The following GPATCH1 variants were observed in gnomAD, a reference collection of about 807,000 sequenced individuals.
The protein encoded by GPATCH1 is G-patch domain containing 1.
A neutral mutation model predicts 114.9 loss-of-function variants in GPATCH1; 73 were observed. The ratio of observed to expected loss-of-function variants is 0.64; its 90% CI spans 0.53 to 0.77. GPATCH1 has a LOEUF of 0.77. Among genes scored for constraint, GPATCH1 ranks in the 30% least tolerant of loss-of-function variants. GPATCH1 has a pLI of 0.00. For missense variants in GPATCH1, 1,058 were observed against 1,144.3 expected (o/e 0.92, Z 1.09); for synonymous variants, 391 against 428.4 (o/e 0.91, Z 1.08).
chr19:33,122,283 C>T (rs535616578), intron 17 of GPATCH1, among the ~76,000 whole-genome samples: 15 of 149,532 alleles, frequency 1.0e-4, no homozygotes, highest in African/African-American at 3.2e-4. Context: ...GTTGGGATTA[C>T]GGTCGTGAGC....
At chr19:33,101,382 T>G (rs1358585256) in intron 8 of GPATCH1, 113 bp from the exon 9 acceptor site, 1 of 671,292 alleles carries the variant, frequency 1.5e-6, no homozygotes, top group Non-Finnish European at 2.7e-6. Context: ...AGTGATAGCA[T>G]GTATGACACG....
At chr19:33,093,309 G>T in intron 3 of GPATCH1, 50 bp from the exon 4 acceptor site, 2 of 1,230,044 alleles carry the variant, frequency 1.6e-6, no homozygotes. Flanking sequence ...GTGATGTATT[G>T]TGTATAGTCA....
At chr19:33,093,789 A>G (rs909024742) in intron 4 of GPATCH1, among the ~76,000 whole-genome samples, 3 of 152,130 alleles carry the variant, frequency 2.0e-5, no homozygotes, top group African/African-American at 7.2e-5. Context: ...TCCAGACCTT[A>G]TAGCCTCGCC....
intron 17 of GPATCH1, among the ~76,000 whole-genome samples, chr19:33,124,704 A>G (rs933138101): frequency 2.6e-5 from 4 of 152,022 alleles, no homozygotes; most frequent in African/African-American, 9.7e-5. Flanking sequence ...GGCGTGGGAG[A>G]GGTTAGGCGA....
intron 9 of GPATCH1, among the ~76,000 whole-genome samples, 176 bp downstream of exon 9, chr19:33,101,750 C>T (rs1273013035): frequency 2.0e-5 from 3 of 152,126 alleles, no homozygotes; most frequent in Non-Finnish European, 2.9e-5. Flanking sequence ...AATACCAGGG[C>T]GAGGCGCAGT....
At chr19:33,100,040 G>C (rs1972707989) in intron 8 of GPATCH1, 1 of 151,926 alleles carries the variant, frequency 6.6e-6, no homozygotes, top group Non-Finnish European at 1.5e-5. Flanking sequence ...CAGAGTGCTG[G>C]AATTACAGGC....
Position 33,114,317 on chromosome 19 carries a change from AT to A in GPATCH1, c.2099del (p.Leu700Ter). 6.2e-7 allele frequency: 1 copy of A among 1,613,622 alleles called. No individual in the cohort carries two copies. Among genetic ancestry groups the A allele is most frequent in the Non-Finnish European group, 8.5e-7 (1 of 1,179,660 alleles). Reference protein sequence around the residue: ...HEKKEDSISEFLSLARSKAEP... With the variant: ...HEKKEDSISEXLSLARSKAEP... ...AAAAGAAAGAAGATTCCATTAGTGAATTTTTAAGTTTGGCTAGATCAAAAGC... is the reference window on the plus strand; with the variant it reads ...AAAAGAAAGAAGATTCCATTAGTGAATTTTAAGTTTGGCTAGATCAAAAGC... On this transcript the variant is annotated frameshift_variant, in exon 15 of 20. Transcript: ENST00000170564. LOFTEE classifies it high-confidence loss of function.
At chr19:33,122,792 C>T (rs757299193) in intron 17 of GPATCH1, among the ~76,000 whole-genome samples, 8 of 151,906 alleles carry the variant, frequency 5.3e-5, no homozygotes, top group African/African-American at 7.3e-5. Context: ...GGGCTGAGTG[C>T]GGTGGCTCAC....
intron 4 of GPATCH1, 98 bp downstream of exon 4, chr19:33,093,617 C>T (rs1568339603): frequency 9.0e-7 from 1 of 1,112,314 alleles, no homozygotes; most frequent in African/African-American, 1.6e-5. Flanking sequence ...GTGAGACAAG[C>T]CTTCTTAGGC....
intron 1 of GPATCH1, among the ~76,000 whole-genome samples, chr19:33,083,638 A>G (rs934449445): frequency 6.6e-6 from 1 of 152,050 alleles, no homozygotes; most frequent in Non-Finnish European, 1.5e-5. Flanking sequence ...CAAGCAATCC[A>G]TCTGCCTTCA....
Position 33,106,901 on chromosome 19 carries a change from T to G in GPATCH1, c.1285+2T>G. 6.2e-7 allele frequency: 1 copy of G among 1,605,612 alleles called. No individual in the cohort carries two copies. Among genetic ancestry groups the G allele is most frequent in the Non-Finnish European group, 8.5e-7 (1 of 1,172,556 alleles). ...TGCTTGGAGAGACGCCTATTCAAGG[T>G]ATGTGCCATGGAGAAGACGGAAATC... On this transcript the variant is annotated splice_donor_variant, in intron 10 of 19. Transcript: ENST00000170564. LOFTEE classifies it high-confidence loss of function.
chr19:33,119,052 T>C lies in GPATCH1; in HGVS notation c.2456T>C (p.Ile819Thr), dbSNP rs1331899538. 16 of 1,613,498 alleles carry C rather than the reference T, an allele frequency of 9.9e-6. No individual in the cohort carries two copies. Among genetic ancestry groups the C allele is most frequent in the Non-Finnish European group, 1.4e-5 (16 of 1,179,792 alleles). ...APQEPPPSFP[I>T]QKMQIDEREE... ...CAGGAGCCGCCACCTTCCTTCCCGA[T>C]ACAAAAGATGCAGATAGATGAAAGA... The change falls in exon 17 of 20, where the codon ATA (isoleucine) becomes ACA (threonine). Residue 819 changes from isoleucine to threonine, a missense_variant. By Grantham distance (89) the Ile-to-Thr change is moderately conservative (BLOSUM62 -1). This residue lies in a region of GPATCH1 where 893 missense variants were observed against 977.4 expected (regional missense o/e 0.91). Coordinates refer to ENST00000170564, the MANE Select transcript of GPATCH1 (RefSeq NM_018025.3).
intron 9 of GPATCH1, among the ~76,000 whole-genome samples, chr19:33,105,263 C>T (rs1972770411): frequency 6.6e-6 from 1 of 151,580 alleles, no homozygotes; most frequent in African/African-American, 2.4e-5. Context: ...GAAACCCCGT[C>T]TCTACTAAAA....
At chr19:33,125,428 T>C in intron 18 of GPATCH1, among the ~76,000 whole-genome samples, 1 of 150,944 alleles carries the variant, frequency 6.6e-6, no homozygotes, top group African/African-American at 2.4e-5. Context: ...AGATGGAGTC[T>C]CACTCTGTTG....
In GPATCH1 at chr19:33,113,932, T is replaced by C. The variant is rs1211184343; in HGVS notation, c.2029+29T>C. On this transcript the variant is annotated intron_variant, in intron 14 of 19. Coordinates refer to ENST00000170564, the MANE Select transcript of GPATCH1 (RefSeq NM_018025.3). ...AGTAGGGCGTCCCCGGGGTCTCTGA[T>C]TGACCAGGGCCTCAACCCCTAGCCT... 2.5e-6 allele frequency: 4 copies of C among 1,608,564 alleles called. No individual in the cohort carries two copies. In the South Asian group the frequency reaches 3.3e-5, roughly 13 times the overall value.
chr19:33,088,336 C>T, intron 2 of GPATCH1, 68 bp downstream of exon 2: 3 of 1,185,894 alleles, frequency 2.5e-6, no homozygotes, highest in South Asian at 2.8e-5. Flanking sequence ...TTCTCCCTCA[C>T]CCTTGCTTTT....
chr19:33,121,028 A>C (rs1028564146), intron 17 of GPATCH1, among the ~76,000 whole-genome samples: 1 of 151,814 alleles, frequency 6.6e-6, no homozygotes, highest in Non-Finnish European at 1.5e-5. Flanking sequence ...AAAAATTAAA[A>C]AAGAAAAAGA....
At position 33,101,579 on chromosome 19, in the gene GPATCH1, GAA is replaced by G. The variant is rs745518085; in HGVS notation, c.1080+9_1080+10del. On this transcript the variant is annotated splice_donor_region_variant and intron_variant, in intron 9 of 19. Coordinates refer to ENST00000170564, the MANE Select transcript of GPATCH1 (RefSeq NM_018025.3). ...AAACCTTTATCTTCTAAGAAAGTAA[GAA>G]AAACTTTTTTTCTTTCTTTTTTTAC... 2 of 1,502,290 alleles carry G rather than the reference GAA, an allele frequency of 1.3e-6. No homozygotes were observed. The highest frequency in any genetic ancestry group is 1.8e-5 in the Admixed American group (1 of 56,824). 93.1% of individuals were successfully genotyped at this position (1,502,290 alleles called of 1,614,324 possible).
Position 33,096,226 on chromosome 19 carries a change from T to TG in GPATCH1, c.633dup (p.Pro212AlafsTer2), listed in dbSNP as rs767383026. 3 of 1,613,942 alleles carry TG rather than the reference T, an allele frequency of 1.9e-6. No homozygotes were observed. The South Asian group carries it at 3.3e-5, about 18-fold the overall frequency. The stretch of plus-strand genomic sequence containing the variant: ...AAATAGGGTGAAGATGATGACTACT[T>TG]GCCTGATAATGTGACCTTTGCACCC... On this transcript the variant is annotated frameshift_variant, in exon 7 of 20. Coordinates refer to ENST00000170564, the MANE Select transcript of GPATCH1 (RefSeq NM_018025.3). LOFTEE classifies it high-confidence loss of function.
Sources: gnomAD v4.1 joint callset for allele counts (sites outside exome capture counted in the v4.1 genomes callset) on GRCh38, gnomAD v4.1.1 for gene constraint, gnomAD v4.1.1 regional missense constraint, MANE v1.5 for transcripts, NCBI Gene and HGNC (gene_info 2026-07-23, HGNC 2026-07-21) for gene names.